The following GRK5 variants were observed in gnomAD, a reference collection of about 807,000 sequenced individuals.
The protein encoded by GRK5 is G protein-coupled receptor kinase 5.
In GRK5, 40 loss-of-function variants were observed where a neutral mutation model predicts 78.4. That is an observed-to-expected ratio of 0.51 (90% CI 0.40 to 0.66). The LOEUF (loss-of-function observed/expected upper bound fraction) is 0.66. Among genes scored for constraint, GRK5 ranks in the 30% least tolerant of loss-of-function variants. The probability of loss-of-function intolerance (pLI) is 0.00; values close to 1 mark genes in which losing one functional copy is unlikely to be tolerated. For missense variants in GRK5, 598 were observed against 759.9 expected, an observed-to-expected ratio of 0.79 and a Z score of 2.50; for synonymous variants, 289 against 296.8, an observed-to-expected ratio of 0.97 and a Z score of 0.27.
intron 2 of GRK5, chr10:119,333,724 T>C (rs761556012): frequency 1.9e-6 from 1 of 528,518 alleles, no homozygotes; most frequent in East Asian, 5.5e-5. Context: ...CCTCTGCTTA[T>C]TCAATGCATG....
intron 1 of GRK5, among the ~76,000 whole-genome samples, chr10:119,256,960 T>A (rs1849296277): frequency 6.6e-6 from 1 of 152,238 alleles, no homozygotes; most frequent in Non-Finnish European, 1.5e-5. Flanking sequence ...TTGTGGACAT[T>A]TCACGTAAAT....
At chr10:119,209,733 A>C (rs528841882) in intron 1 of GRK5, among the ~76,000 whole-genome samples, 1 of 152,100 alleles carries the variant, frequency 6.6e-6, no homozygotes, top group Non-Finnish European at 1.5e-5. Flanking sequence ...CCATTCTGAA[A>C]TTATTTCTTG....
At chr10:119,231,661 C>T (rs1207391959) in intron 1 of GRK5, among the ~76,000 whole-genome samples, 4 of 148,010 alleles carry the variant, frequency 2.7e-5, no homozygotes, top group African/African-American at 1.0e-4. Flanking sequence ...GAGCCGAGAT[C>T]GTGCCACCGC....
intron 2 of GRK5, among the ~76,000 whole-genome samples, chr10:119,354,448 C>T (rs1342625663): frequency 7.9e-6 from 1 of 127,362 alleles, no homozygotes; most frequent in Admixed American, 1.0e-4. Context: ...GTCACTCAGG[C>T]TGGAGTGCAG....
At chr10:119,230,281 T>G (rs1848803979) in intron 1 of GRK5, among the ~76,000 whole-genome samples, 1 of 151,850 alleles carries the variant, frequency 6.6e-6, no homozygotes, top group African/African-American at 2.4e-5. Context: ...AGCCCAGGAG[T>G]TCCAGACTAG....
intron 1 of GRK5, among the ~76,000 whole-genome samples, chr10:119,250,424 C>T (rs1431616419): frequency 3.3e-5 from 5 of 151,962 alleles, no homozygotes; most frequent in African/African-American, 4.8e-5. Context: ...GGCAGGGTCT[C>T]GCTCTGTCAC....
intron 1 of GRK5, among the ~76,000 whole-genome samples, chr10:119,270,204 A>G (rs1849563743): frequency 1.3e-5 from 2 of 152,170 alleles, no homozygotes; most frequent in African/African-American, 4.8e-5. Context: ...TCCTCTGTTC[A>G]TCTCTTTGCC....
chr10:119,420,711 C>T (rs1169048776), intron 4 of GRK5, among the ~76,000 whole-genome samples: 5 of 151,954 alleles, frequency 3.3e-5, no homozygotes, highest in Admixed American at 6.5e-5. Context: ...CCCAAGTAGC[C>T]GAGACTACAG....
At chr10:119,399,344 G>A (rs991579292) in intron 4 of GRK5, among the ~76,000 whole-genome samples, 9 of 152,072 alleles carry the variant, frequency 5.9e-5, no homozygotes, top group Admixed American at 2.0e-4. Context: ...TACCTCTCAC[G>A]TGCCCCAGTG....
intron 1 of GRK5, among the ~76,000 whole-genome samples, chr10:119,307,957 A>G (rs1850298703): frequency 6.6e-6 from 1 of 152,074 alleles, no homozygotes; most frequent in Non-Finnish European, 1.5e-5. Flanking sequence ...GGGAGAGGAC[A>G]GAGGGAAAGG....
intron 1 of GRK5, among the ~76,000 whole-genome samples, chr10:119,308,803 T>A (rs1460028380): frequency 6.6e-6 from 1 of 152,118 alleles, no homozygotes; most frequent in Non-Finnish European, 1.5e-5. Flanking sequence ...AGGAGGAGGA[T>A]CTTAGTGTTA....
chr10:119,280,539 G>A (rs1054705393), intron 1 of GRK5, among the ~76,000 whole-genome samples: 24 of 152,046 alleles, frequency 1.6e-4, no homozygotes, highest in African/African-American at 5.8e-4. Context: ...GTTGATACCT[G>A]TTTTATTCTT....
intron 6 of GRK5, among the ~76,000 whole-genome samples, chr10:119,429,813 C>A (rs191328684): frequency 6.5e-4 from 99 of 152,220 alleles, no homozygotes; most frequent in Admixed American, 2.4e-3. Flanking sequence ...GCAGCCTCTG[C>A]CCCCTCCTGA....
intron 2 of GRK5, among the ~76,000 whole-genome samples, chr10:119,331,703 G>A (rs1385529458): frequency 3.3e-5 from 5 of 152,196 alleles, no homozygotes; most frequent in African/African-American, 9.6e-5. Flanking sequence ...GGATGGCCCC[G>A]AACGGTGGTC....
chr10:119,275,933 C>T (rs965885979), intron 1 of GRK5, among the ~76,000 whole-genome samples: 1 of 152,236 alleles, frequency 6.6e-6, no homozygotes, highest in South Asian at 2.1e-4. Flanking sequence ...GACAGTGACC[C>T]GATTTTCCAT....
At chr10:119,258,813 C>T (rs1849326492) in intron 1 of GRK5, among the ~76,000 whole-genome samples, 1 of 152,190 alleles carries the variant, frequency 6.6e-6, no homozygotes, top group Admixed American at 6.5e-5. Flanking sequence ...GGTATGTCAT[C>T]AGGCAGGAAG....
intron 1 of GRK5, among the ~76,000 whole-genome samples, chr10:119,224,389 A>ATTATTTATTTAT (rs59961161): frequency 1.3e-5 from 2 of 148,764 alleles, no homozygotes; most frequent in South Asian, 2.2e-4. Context: ...TTATTAATTT[A>ATTATTTATTTAT]TTATTTATTT....
intron 1 of GRK5, among the ~76,000 whole-genome samples, chr10:119,208,217 G>C (rs1263443355): frequency 6.6e-6 from 1 of 152,242 alleles, no homozygotes; most frequent in Non-Finnish European, 1.5e-5. Context: ...AGTTTCCAGC[G>C]CTCGCCCTGC....
intron 15 of GRK5, 34 bp from the exon 16 acceptor site, chr10:119,454,933 TTC>T: frequency 2.9e-6 from 4 of 1,398,536 alleles, no homozygotes; most frequent in Non-Finnish European, 4.1e-6. Context: ...CTGACTTCTG[TTC>T]TCTCCACCCC....
Sources: gnomAD v4.1 joint callset for allele counts (sites outside exome capture counted in the v4.1 genomes callset) on GRCh38, gnomAD v4.1.1 for gene constraint, MANE v1.5 for transcripts, NCBI Gene and HGNC (gene_info 2026-07-23, HGNC 2026-07-21) for gene names.